SGCD: variants seen among roughly 807,000 people sequenced by gnomAD.
SGCD encodes delta-sarcoglycan.
A neutral mutation model predicts 36.6 loss-of-function variants in SGCD; 18 were observed. That is an observed-to-expected ratio of 0.49 (90% CI 0.34 to 0.73). SGCD has a LOEUF of 0.73. Among genes scored for constraint, SGCD ranks in the 30% least tolerant of loss-of-function variants. SGCD has a pLI of 0.01. For synonymous variants in SGCD, 133 were observed against 130.6 expected (o/e 1.02, Z -0.12); for missense variants, 387 against 346.7 (o/e 1.12, Z -0.92).
rs192458917 is a variant in SGCD, at chr5:156,373,558, C to T, written c.192+28881C>T. On this transcript the variant is annotated intron_variant, in intron 3 of 8. Transcript: ENST00000337851. Reference sequence around the variant, plus strand: ...TCCTTCTCTGTGAAAGCATTTATTACCCAGAAGAAATTAGGCCTAATTTTA... The same window carrying T: ...TCCTTCTCTGTGAAAGCATTTATTATCCAGAAGAAATTAGGCCTAATTTTA... Among the ~76,000 whole-genome samples, 208 of 152,236 alleles carry T rather than the reference C, an allele frequency of 1.4e-3. 1 individual carries two copies. The highest frequency in any genetic ancestry group is 4.9e-3 in the African/African-American group (203 of 41,530).
chr5:155,814,096 C>A, the SGCD span, among the ~76,000 whole-genome samples: 6,256 of 152,302 alleles, frequency 0.041, 394 homozygotes, highest in African/African-American at 0.14. Context: ...GATAAAATCA[C>A]AAATCCCTCA....
chr5:156,021,711 G>A (rs1434141430), intron 1 of SGCD, among the ~76,000 whole-genome samples: 37 of 152,062 alleles, frequency 2.4e-4, no homozygotes, highest in Non-Finnish European at 5.9e-5. Flanking sequence ...GTGGGAGGGT[G>A]TACAGTGGGA....
chr5:156,028,471 A>G (rs1310852319), intron 1 of SGCD, among the ~76,000 whole-genome samples: 1 of 152,096 alleles, frequency 6.6e-6, no homozygotes, highest in Non-Finnish European at 1.5e-5. Context: ...GTTTCTTCCT[A>G]TGTAAAATGA....
chr5:156,429,649 T>C (rs1309554838), intron 3 of SGCD, among the ~76,000 whole-genome samples: 3 of 151,870 alleles, frequency 2.0e-5, no homozygotes, highest in African/African-American at 7.3e-5. Context: ...TCTATTTTGG[T>C]GTATATTGAG....
chr5:156,602,901 CT>C (rs1057154054), intron 6 of SGCD, among the ~76,000 whole-genome samples: 2 of 152,100 alleles, frequency 1.3e-5, no homozygotes, highest in Admixed American at 1.3e-4. Context: ...GCTATAGTTT[CT>C]TTTTTTGTTG....
At chr5:156,047,454 C>T (rs1371709145) in intron 1 of SGCD, among the ~76,000 whole-genome samples, 1 of 152,036 alleles carries the variant, frequency 6.6e-6, no homozygotes, top group Non-Finnish European at 1.5e-5. Flanking sequence ...TTTTAGGGGA[C>T]AATGCATCTG....
At chr5:155,875,870 T>C (rs1438548408) in intron 1 of SGCD, among the ~76,000 whole-genome samples, 1 of 152,050 alleles carries the variant, frequency 6.6e-6, no homozygotes, top group African/African-American at 2.4e-5. Flanking sequence ...TGTAGAATTG[T>C]AGCTTTGTAA....
At chr5:155,794,098 A>G in the SGCD span, among the ~76,000 whole-genome samples, 1 of 152,180 alleles carries the variant, frequency 6.6e-6, no homozygotes, top group Non-Finnish European at 1.5e-5. Context: ...TTCAGCTGAA[A>G]GCTGTACAGC....
intron 3 of SGCD, among the ~76,000 whole-genome samples, chr5:156,126,015 T>C (rs1762162400): frequency 6.6e-6 from 1 of 151,758 alleles, no homozygotes; most frequent in Non-Finnish European, 1.5e-5. Context: ...GTAGCTGGGA[T>C]TGCAGGCGCC....
chr5:155,906,495 C>A (rs562737437), intron 1 of SGCD, among the ~76,000 whole-genome samples: 1 of 152,212 alleles, frequency 6.6e-6, no homozygotes, highest in East Asian at 1.9e-4. Flanking sequence ...AAGAAAAGTT[C>A]TTGGAGAAAA....
At chr5:155,858,751 A>G in the SGCD span, among the ~76,000 whole-genome samples, 2 of 152,186 alleles carry the variant, frequency 1.3e-5, no homozygotes, top group Non-Finnish European at 2.9e-5. Flanking sequence ...AACCTGATTC[A>G]AGGTGTCATC....
At chr5:155,896,968 A>G (rs1352188472) in intron 1 of SGCD, among the ~76,000 whole-genome samples, 5 of 152,208 alleles carry the variant, frequency 3.3e-5, no homozygotes, top group African/African-American at 9.6e-5. Context: ...CAGCAAAACC[A>G]CTTATTGGCA....
At chr5:155,815,150 T>C in the SGCD span, among the ~76,000 whole-genome samples, 1 of 152,222 alleles carries the variant, frequency 6.6e-6, no homozygotes, top group Admixed American at 6.5e-5. Flanking sequence ...GGTCAAATAA[T>C]ATTCTAACTG....
At chr5:156,277,142 T>A (rs963110724) in intron 3 of SGCD, among the ~76,000 whole-genome samples, 2 of 152,176 alleles carry the variant, frequency 1.3e-5, no homozygotes, top group Admixed American at 1.3e-4. Context: ...AGACCAGTGG[T>A]TAAAGGGATG....
rs555578724 is a variant in SGCD at position 156,432,151 on chromosome 5, A to C, written c.193-76450A>C. ...AGGTCTCCCAGCAGTGGATACCAGCATCTGCTCTGATGGAGGTAGCAGGGG... is the reference window on the plus strand; with the variant it reads ...AGGTCTCCCAGCAGTGGATACCAGCCTCTGCTCTGATGGAGGTAGCAGGGG... On this transcript the variant is annotated intron_variant, in intron 3 of 8. Coordinates refer to ENST00000337851, the MANE Select transcript of SGCD (RefSeq NM_000337.6). Among the ~76,000 whole-genome samples, 22 of 152,334 alleles carry C rather than the reference A, an allele frequency of 1.4e-4. No homozygotes were observed. The South Asian group carries it at 4.1e-3, about 29-fold the overall frequency.
intron 3 of SGCD, among the ~76,000 whole-genome samples, chr5:156,463,150 G>T (rs1754563469): frequency 6.6e-6 from 1 of 152,112 alleles, no homozygotes; most frequent in Admixed American, 6.6e-5. Context: ...TTGTTTGTTT[G>T]TTTGTTTGTT....
intron 6 of SGCD, among the ~76,000 whole-genome samples, chr5:156,636,430 G>A (rs1762830241): frequency 3.3e-5 from 5 of 152,146 alleles, no homozygotes; most frequent in Admixed American, 3.3e-4. Flanking sequence ...TTGGCTTTAA[G>A]TAGCTTATTT....
the SGCD span, among the ~76,000 whole-genome samples, chr5:155,839,470 G>T: frequency 6.6e-6 from 1 of 152,294 alleles, no homozygotes; most frequent in Admixed American, 6.5e-5. Flanking sequence ...ATTTGGAGGA[G>T]GGTGTGTGTG....
At chr5:156,307,334 A>G (rs1197027423) in intron 3 of SGCD, among the ~76,000 whole-genome samples, 1 of 152,086 alleles carries the variant, frequency 6.6e-6, no homozygotes, top group Non-Finnish European at 1.5e-5. Context: ...GAGCCACTGC[A>G]CCTAGCAAAT....
Sources: gnomAD v4.1 joint callset for allele counts (sites outside exome capture counted in the v4.1 genomes callset) on GRCh38, gnomAD v4.1.1 for gene constraint, MANE v1.5 for transcripts, NCBI Gene and HGNC (gene_info 2026-07-23, HGNC 2026-07-21) for gene names.